The following EXOSC3 variants were observed in gnomAD, a reference collection of about 807,000 sequenced individuals.
The protein encoded by EXOSC3 is exosome complex component RRP40.
Under a neutral mutation model 25.1 loss-of-function variants are expected in EXOSC3, and 18 were observed. The observed-to-expected ratio is 0.72, with a 90% confidence interval of 0.50 to 1.06. The LOEUF is 1.06. Among genes scored for constraint, EXOSC3 ranks in the 50% least tolerant of loss-of-function variants. The probability of loss-of-function intolerance (pLI) is 0.00; values close to 1 mark genes in which losing one functional copy is unlikely to be tolerated. For synonymous variants in EXOSC3, 165 were observed against 132.2 expected, an observed-to-expected ratio of 1.25 and a Z score of -1.70; for missense variants, 382 against 350.9, an observed-to-expected ratio of 1.09 and a Z score of -0.71.
At chr9:37,782,630 A>C (rs1828620251) in intron 2 of EXOSC3, among the ~76,000 whole-genome samples, 1 of 152,242 alleles carries the variant, frequency 6.6e-6, no homozygotes, top group African/African-American at 2.4e-5. Flanking sequence ...AATTATTCAA[A>C]GCAAAATCAA....
chr9:37,782,707 G>A lies in EXOSC3; in HGVS notation c.475-570C>T, dbSNP rs149836327. Among the ~76,000 whole-genome samples, 100 of 152,298 alleles carry A rather than the reference G, an allele frequency of 6.6e-4. 1 individual carries two copies. In the East Asian group the frequency reaches 0.019, roughly 29 times the overall value. On this transcript the variant is annotated intron_variant, in intron 2 of 3. Transcript: ENST00000327304. ...AAACCTCATAGAGCTAAACTTCAAA[G>A]GGACGAAACTGAGGAAATGGAGAGT...
rs1376223114 is a variant in EXOSC3, at chr9:37,780,192, T to C, written c.*487A>G. 1.3e-5 allele frequency: 2 copies of C among 154,920 alleles called. No individual in the cohort carries two copies. The highest frequency in any genetic ancestry group is 4.8e-5 in the African/African-American group (2 of 41,598). 9.6% of individuals were successfully genotyped at this position (154,920 alleles called of 1,614,324 possible). On this transcript the variant is annotated 3_prime_UTR_variant, in exon 4 of 4. Coordinates refer to ENST00000327304, the MANE Select transcript of EXOSC3 (RefSeq NM_016042.4). ...AGTTTCAATTATGAGGATAAGTGTC[T>C]TCTGCAGTTAGAATAAAGGAGTTAA...
chr9:37,780,481 C>T lies in EXOSC3; in HGVS notation c.*198G>A, dbSNP rs964237716. On this transcript the variant is annotated 3_prime_UTR_variant, in exon 4 of 4. Transcript: ENST00000327304. ...TGTTTTTTAGTAAACTTTATTGTAC[C>T]GAACAAAAAAAATGATTTTGCAATG... is the stretch of plus-strand genomic sequence containing the variant. 18 of 565,418 alleles carry T rather than the reference C, an allele frequency of 3.2e-5. No homozygotes were observed. The highest frequency in any genetic ancestry group is 2.4e-4 in the South Asian group (11 of 45,630). The allele number at this position is 565,418 out of a possible 1,614,324, so 35.0% of individuals were successfully genotyped here.
intron 1 of EXOSC3, 103 bp from the exon 2 acceptor site, chr9:37,784,166 A>C: frequency 1.6e-6 from 2 of 1,214,260 alleles, no homozygotes; most frequent in Non-Finnish European, 2.3e-6. Context: ...CATTAAAGAG[A>C]AATCTGATCA....
At chr9:37,781,473 A>G (rs1828594696) in intron 3 of EXOSC3, among the ~76,000 whole-genome samples, 1 of 151,278 alleles carries the variant, frequency 6.6e-6, no homozygotes, top group Admixed American at 6.6e-5. Context: ...GTAAAGTTCT[A>G]AACACCAAAA....
chr9:37,783,363 A>G (rs1315416192), intron 2 of EXOSC3, among the ~76,000 whole-genome samples: 1 of 152,190 alleles, frequency 6.6e-6, no homozygotes, highest in African/African-American at 2.4e-5. Context: ...AATAGGATCA[A>G]AATAGGATTA....
In EXOSC3 at chr9:37,780,665, A is replaced by G. The variant is rs1440229437; in HGVS notation, c.*14T>C. On this transcript the variant is annotated 3_prime_UTR_variant, in exon 4 of 4. Coordinates refer to ENST00000327304, the MANE Select transcript of EXOSC3 (RefSeq NM_016042.4). The stretch of plus-strand genomic sequence containing the variant: ...TTTTTTGCCTCAACTGACCTGTAAA[A>G]AAGTCCACCTATATCAACTTTCTGC... The G allele has an allele frequency of 1.7e-5, 28 of 1,611,542 alleles. No individual in the cohort carries two copies. The highest frequency in any genetic ancestry group is 4.0e-5 in the African/African-American group (3 of 74,804).
rs752953027 is a variant in EXOSC3, at chr9:37,784,818, TCCCCAC to T, written c.221_226del (p.Cys74_Asp76delinsTyr). The T allele has an allele frequency of 1.9e-6, 3 of 1,608,276 alleles. No individual in the cohort carries two copies. The Admixed American group carries it at 5.1e-5, about 27-fold the overall frequency. On this transcript the variant is annotated inframe_deletion, in exon 1 of 4. Coordinates refer to ENST00000327304, the MANE Select transcript of EXOSC3 (RefSeq NM_016042.4). ...GCCGCACTTGGTGACCAGCAGGCGGTCCCCACAGCGCCGAAGGCCCGGACCGCATAC... is the reference window on the plus strand; with the variant it reads ...GCCGCACTTGGTGACCAGCAGGCGGTAGCGCCGAAGGCCCGGACCGCATAC...
Position 37,780,825 on chromosome 9 carries a change from C to G in EXOSC3, c.682G>C (p.Glu228Gln). ...CTTCCATTCATTCCAAATACTATCT[C>G]CAGTGGATAGAGTTTTCCCACTTCC... ...IQEVGKLYPLEIVFGMNGRIW... is the reference protein window; with the variant it reads ...IQEVGKLYPLQIVFGMNGRIW... The change falls in exon 4 of 4, where the codon GAG (glutamate) becomes CAG (glutamine). Residue 228 changes from glutamate (E) to glutamine (Q), a missense_variant. Physicochemically the swap from Glu to Gln is conservative, Grantham distance 29. Transcript: ENST00000327304. The G allele has an allele frequency of 6.2e-7, 1 of 1,613,716 alleles. No individual in the cohort carries two copies. Among genetic ancestry groups the G allele is most frequent in the East Asian group, 2.2e-5 (1 of 44,868 alleles).
intron 1 of EXOSC3, 95 bp downstream of exon 1, chr9:37,784,624 AAG>A: frequency 7.5e-7 from 1 of 1,335,140 alleles, no homozygotes; most frequent in East Asian, 2.5e-5. Flanking sequence ...GCCTGAACAA[AAG>A]AGGGCCTCAG....
rs1274147647 is a variant in EXOSC3, at chr9:37,780,224, C to G, written c.*455G>C. The G allele has an allele frequency of 6.3e-6, 1 of 158,880 alleles. No individual in the cohort carries two copies. The highest frequency in any genetic ancestry group is 1.4e-5 in the Non-Finnish European group (1 of 72,412). 9.8% of individuals were successfully genotyped at this position (158,880 alleles called of 1,614,324 possible). On this transcript the variant is annotated 3_prime_UTR_variant, in exon 4 of 4. Coordinates refer to ENST00000327304, the MANE Select transcript of EXOSC3 (RefSeq NM_016042.4). ...GTTAGAATAAAGGAGTTAATCCATG[C>G]AAAACACAATACTTGGTAAATGAAA...
In EXOSC3 at chr9:37,780,402, T is replaced by C. The variant is rs1158532025; in HGVS notation, c.*277A>G. On this transcript the variant is annotated 3_prime_UTR_variant, in exon 4 of 4. Coordinates refer to ENST00000327304, the MANE Select transcript of EXOSC3 (RefSeq NM_016042.4). ...TATTTTACTGCTGACCTCCAGTTAA[T>C]TATGGAAGCTGTAGCAATTACTAAG... is the stretch of plus-strand genomic sequence containing the variant. 2.1e-5 allele frequency: 7 copies of C among 339,632 alleles called. No homozygotes were observed. Among genetic ancestry groups the C allele is most frequent in the Non-Finnish European group, 3.8e-5 (7 of 184,500 alleles). 21.0% of individuals were successfully genotyped at this position (339,632 alleles called of 1,614,324 possible).
At chr9:37,783,444 A>C (rs971664432) in intron 2 of EXOSC3, among the ~76,000 whole-genome samples, 3 of 152,214 alleles carry the variant, frequency 2.0e-5, no homozygotes, top group Non-Finnish European at 4.4e-5. Flanking sequence ...CTGGATAGAC[A>C]AGAAGAGTGT....
chr9:37,784,486 T>C (rs946793502), intron 1 of EXOSC3: 12 of 587,074 alleles, frequency 2.0e-5, no homozygotes, highest in African/African-American at 9.3e-5. Context: ...TTGAAGACTA[T>C]AATCATGACT....
chr9:37,780,533 G>T lies in EXOSC3; in HGVS notation c.*146C>A. ...TTTTCTCTCCCACAAAAGCGTGGGT[G>T]AAAACCAGTAACTTATAAAAATACT... On this transcript the variant is annotated 3_prime_UTR_variant, in exon 4 of 4. Transcript: ENST00000327304. 1 of 661,006 alleles carries T rather than the reference G, an allele frequency of 1.5e-6. No individual in the cohort carries two copies. The highest frequency in any genetic ancestry group is 2.6e-6 in the Non-Finnish European group (1 of 392,146). The allele number at this position is 661,006 out of a possible 1,614,324, so 40.9% of individuals were successfully genotyped here.
Position 37,785,050 on chromosome 9 carries a change from G to C in EXOSC3, c.-6C>G. On this transcript the variant is annotated 5_prime_UTR_variant, in exon 1 of 4. Transcript: ENST00000327304. ...ACAGACGCAGGTTCGGCCATCGCGG[G>C]CTCCACCAAACACCGTTTCCGGTAC... is the stretch of plus-strand genomic sequence containing the variant. The C allele has an allele frequency of 6.3e-7, 1 of 1,591,742 alleles. No homozygotes were observed. Among genetic ancestry groups the C allele is most frequent in the South Asian group, 1.1e-5 (1 of 89,776 alleles).
In EXOSC3 at chr9:37,780,815, A is replaced by G. The variant is rs1360536749; in HGVS notation, c.692T>C (p.Phe231Ser). Residue 231 changes from phenylalanine (F) to serine (S), a missense_variant, in exon 4 of 4, where the codon TTT (phenylalanine) becomes TCT (serine). Coordinates refer to ENST00000327304, the MANE Select transcript of EXOSC3 (RefSeq NM_016042.4). ...VGKLYPLEIV[F>S]GMNGRIWVKA... ...AACCCATATTCTTCCATTCATTCCA[A>G]ATACTATCTCCAGTGGATAGAGTTT... 8 of 1,613,774 alleles carry G rather than the reference A, an allele frequency of 5.0e-6. No homozygotes were observed. The highest frequency in any genetic ancestry group is 6.8e-6 in the Non-Finnish European group (8 of 1,179,908).
chr9:37,784,501 G>A lies in EXOSC3; in HGVS notation c.324+220C>T, dbSNP rs979954885. ...TTGAAGACTATAATCATGACTCACG[G>A]TCTCCAAACGTTTTTCTCTCCTGGT... On this transcript the variant is annotated intron_variant, in intron 1 of 3. Transcript: ENST00000327304. 8.3e-6 allele frequency: 5 copies of A among 602,758 alleles called. No individual in the cohort carries two copies. In the Admixed American group the frequency reaches 1.2e-4, roughly 15 times the overall value. The allele number at this position is 602,758 out of a possible 1,614,324, so 37.3% of individuals were successfully genotyped here.
At position 37,784,988 on chromosome 9, in the gene EXOSC3, A is replaced by G; in HGVS notation, c.57T>C (p.Ala19=). The change falls in exon 1 of 4, where the codon GCT becomes GCC. Residue 19 remains alanine, a synonymous_variant. Transcript: ENST00000327304. ...CCACCTGACCTAGTACTGTGCGTGCAGCGCGCGCCCTGCTGCCCGCGAGAG... is the reference window on the plus strand; with the variant it reads ...CCACCTGACCTAGTACTGTGCGTGCGGCGCGCGCCCTGCTGCCCGCGAGAG... ...AESLAGSRAR[A]ARTVLGQVVL... is the part of the protein sequence containing the mutation. The G allele has an allele frequency of 6.2e-7, 1 of 1,610,838 alleles. No individual in the cohort carries two copies. The highest frequency in any genetic ancestry group is 8.5e-7 in the Non-Finnish European group (1 of 1,178,586).
Sources: allele counts gnomAD v4.1 joint callset (sites outside exome capture counted in the v4.1 genomes callset), GRCh38; gene constraint gnomAD v4.1.1; transcripts MANE v1.5; gene names NCBI Gene and HGNC (gene_info 2026-07-23, HGNC 2026-07-21).